Variants in CNOT6L observed in about 807,000 individuals in gnomAD.
The protein encoded by CNOT6L is CCR4-NOT transcription complex subunit 6-like.
CNOT6L carries 7 observed loss-of-function variants against 64.0 expected under a neutral mutation model. The ratio of observed to expected loss-of-function variants is 0.11; its 90% CI spans 0.06 to 0.21. The LOEUF (loss-of-function observed/expected upper bound fraction) is 0.21. Ranked by LOEUF, CNOT6L falls within the 10% of genes least tolerant of loss-of-function variation. CNOT6L has a pLI of 1.00. For synonymous variants in CNOT6L, 193 were observed against 243.4 expected, an observed-to-expected ratio of 0.79 and a Z score of 1.93; for missense variants, 245 against 669.0, an observed-to-expected ratio of 0.37 and a Z score of 6.99.
rs199875618 is a variant in CNOT6L at position 77,748,283 on chromosome 4, G to GA, written c.559+32dup. On this transcript the variant is annotated intron_variant, in intron 6 of 11. Transcript: ENST00000504123. Reference sequence around the variant, plus strand: ...CCCAAATAACATTTTAAGAATTTCTGAAAAAAAAGGAAGAATAAGAAAAAC... The same window carrying GA: ...CCCAAATAACATTTTAAGAATTTCTGAAAAAAAAAGGAAGAATAAGAAAAAC... 1,851 of 1,391,170 alleles carry GA rather than the reference G, an allele frequency of 1.3e-3. 15 individuals are homozygous for GA. In the African/African-American group the frequency reaches 0.018, roughly 13 times the overall value. 86.2% of individuals were successfully genotyped at this position (1,391,170 alleles called of 1,614,324 possible).
chr4:77,819,876 C>T (rs1331795326), upstream of CNOT6L, among the ~76,000 whole-genome samples: 1 of 151,482 alleles, frequency 6.6e-6, no homozygotes, highest in Non-Finnish European at 1.5e-5. Flanking sequence ...GAGGGCCGCG[C>T]CGCCGGGCTT....
At chr4:77,730,800 T>G (rs1466706598) in intron 9 of CNOT6L, among the ~76,000 whole-genome samples, 1 of 152,080 alleles carries the variant, frequency 6.6e-6, no homozygotes, top group Non-Finnish European at 1.5e-5. Flanking sequence ...TTGCTTAAAA[T>G]GTACTAGTAA....
chr4:77,739,984 T>C (rs1723395907), intron 8 of CNOT6L, among the ~76,000 whole-genome samples: 1 of 151,858 alleles, frequency 6.6e-6, no homozygotes, highest in African/African-American at 2.4e-5. Flanking sequence ...CTATAGCAAA[T>C]AGAAAAAGAG....
At chr4:77,726,428 C>T in intron 10 of CNOT6L, 59 bp from the exon 11 acceptor site, 1 of 1,346,652 alleles carries the variant, frequency 7.4e-7, no homozygotes, top group South Asian at 1.3e-5. Context: ...CAAGGCTTCA[C>T]AGCCAAGACT....
At chr4:77,804,114 T>C (rs1162425320) in intron 1 of CNOT6L, among the ~76,000 whole-genome samples, 1 of 152,102 alleles carries the variant, frequency 6.6e-6, no homozygotes, top group African/African-American at 2.4e-5. Flanking sequence ...TATAATAATA[T>C]ATTGTTCACT....
Position 77,748,323 on chromosome 4 carries a change from C to A in CNOT6L, c.552G>T (p.Leu184=), listed in dbSNP as rs747209169. Residue 184 remains leucine, a synonymous_variant, in exon 6 of 12, where the codon CTG becomes CTT. Coordinates refer to ENST00000504123, the MANE Select transcript of CNOT6L (RefSeq NM_144571.3). The stretch of plus-strand genomic sequence containing the variant: ...ATAAGAAAAACTATTTACCTGACGG[C>A]AGAATTTGGTCTCGTTCTTTTAATG... ...WITLKERDQI[L]PSASFTVMCY... The A allele has an allele frequency of 2.5e-6, 4 of 1,606,416 alleles. No individual in the cohort carries two copies. The highest frequency in any genetic ancestry group is 3.4e-6 in the Non-Finnish European group (4 of 1,173,634).
At chr4:77,777,332 T>C (rs1378814674) in intron 1 of CNOT6L, among the ~76,000 whole-genome samples, 2 of 152,224 alleles carry the variant, frequency 1.3e-5, no homozygotes, top group African/African-American at 4.8e-5. Flanking sequence ...GAGAAATGCA[T>C]TGTTAGGCAA....
At chr4:77,726,433 A>C (rs959649045) in intron 10 of CNOT6L, 64 bp from the exon 11 acceptor site, 7 of 1,292,270 alleles carry the variant, frequency 5.4e-6, no homozygotes, top group Non-Finnish European at 7.6e-6. Flanking sequence ...CTTCACAGCC[A>C]AGACTTGTTA....
chr4:77,806,736 C>A (rs374787222), intron 1 of CNOT6L, among the ~76,000 whole-genome samples: 1 of 152,000 alleles, frequency 6.6e-6, no homozygotes, highest in African/African-American at 2.4e-5. Context: ...ATATTCAAGC[C>A]CCTCCACGAT....
chr4:77,734,269 T>A (rs756623420), intron 8 of CNOT6L, among the ~76,000 whole-genome samples: 1 of 152,132 alleles, frequency 6.6e-6, no homozygotes, highest in African/African-American at 2.4e-5. Context: ...TGTAGAGATA[T>A]GAGAACAAAG....
intron 1 of CNOT6L, among the ~76,000 whole-genome samples, chr4:77,791,297 A>T (rs1278481628): frequency 1.3e-5 from 2 of 152,120 alleles, no homozygotes; most frequent in East Asian, 1.9e-4. Context: ...CATCATCATC[A>T]TCTTCAGCAT....
chr4:77,732,723 T>C (rs559540927), intron 8 of CNOT6L, among the ~76,000 whole-genome samples: 1 of 151,954 alleles, frequency 6.6e-6, no homozygotes, highest in South Asian at 2.1e-4. Context: ...GTTACTAAGG[T>C]GAAGAATGGG....
chr4:77,768,470 A>AAAATATATATAT (rs1727112716), intron 4 of CNOT6L, among the ~76,000 whole-genome samples: 4 of 134,404 alleles, frequency 3.0e-5, no homozygotes, highest in African/African-American at 1.2e-4. Context: ...GTCTAAAATA[A>AAAATATATATAT]ATAAATATAT....
At chr4:77,803,729 C>A (rs1243244610) in intron 1 of CNOT6L, among the ~76,000 whole-genome samples, 1 of 152,106 alleles carries the variant, frequency 6.6e-6, no homozygotes, top group Non-Finnish European at 1.5e-5. Context: ...CATGGAGAAA[C>A]CCCATCTCCA....
chr4:77,735,902 G>T (rs1722895131), intron 8 of CNOT6L, among the ~76,000 whole-genome samples: 1 of 152,032 alleles, frequency 6.6e-6, no homozygotes, highest in Non-Finnish European at 1.5e-5. Flanking sequence ...AAAAATACAT[G>T]ATTAGTTATT....
chr4:77,818,951 G>A lies in CNOT6L; in HGVS notation c.5+353C>T, dbSNP rs549963628. The stretch of plus-strand genomic sequence containing the variant: ...CGCACTCACTCAGCCCTCCCCGGCC[G>A]GCCCCCTAGGAGCAGCTCTCACCTG... On this transcript the variant is annotated intron_variant, in intron 1 of 11. Coordinates refer to ENST00000504123, the MANE Select transcript of CNOT6L (RefSeq NM_144571.3). The A allele has an allele frequency of 1.3e-3, 841 of 648,534 alleles. 14 individuals are homozygous for A. The highest frequency in any genetic ancestry group is 0.012 in the South Asian group (814 of 65,372). 40.2% of individuals were successfully genotyped at this position (648,534 alleles called of 1,614,324 possible).
chr4:77,759,161 A>G (rs1446430399), intron 4 of CNOT6L, among the ~76,000 whole-genome samples: 3 of 152,098 alleles, frequency 2.0e-5, no homozygotes, highest in Admixed American at 1.3e-4. Context: ...TTTTTTAAAT[A>G]AATAAACTGA....
chr4:77,722,930 T>C (rs935247118), intron 11 of CNOT6L, among the ~76,000 whole-genome samples: 16 of 152,124 alleles, frequency 1.1e-4, no homozygotes, highest in Admixed American at 1.0e-3. Flanking sequence ...AAGACTATTA[T>C]TGTATAAGTC....
intron 1 of CNOT6L, among the ~76,000 whole-genome samples, chr4:77,801,701 G>GGGGGGGGGGA (rs10663911): frequency 1.0e-5 from 1 of 97,174 alleles, no homozygotes; most frequent in African/African-American, 4.0e-5. Flanking sequence ...GGGGGGGGGG[G>GGGGGGGGGGA]AGAATGAAAC....
Sources: gnomAD v4.1 joint callset for allele counts (sites outside exome capture counted in the v4.1 genomes callset) on GRCh38, gnomAD v4.1.1 for gene constraint, MANE v1.5 for transcripts, NCBI Gene and HGNC (gene_info 2026-07-23, HGNC 2026-07-21) for gene names.